Variants in CTIF observed in about 807,000 individuals in gnomAD.
CTIF encodes the protein cap binding complex dependent translation initiation factor, also known as CBP80/20-dependent translation initiation factor.
In CTIF, 21 loss-of-function variants were observed where a neutral mutation model predicts 66.0. The ratio of observed to expected loss-of-function variants is 0.32; its 90% confidence interval spans 0.23 to 0.46. The LOEUF is 0.46. Among genes scored for constraint, CTIF ranks in the 20% least tolerant of loss-of-function variants. The pLI is 1.00. For synonymous variants in CTIF, 345 were observed against 326.4 expected, an observed-to-expected ratio of 1.06 and a Z score of -0.62; for missense variants, 739 against 812.7, an observed-to-expected ratio of 0.91 and a Z score of 1.10.
chr18:48,621,739 G>C (rs905764940), intron 2 of CTIF: 1 of 260,250 alleles, frequency 3.8e-6, no homozygotes, highest in South Asian at 3.4e-5. Context: ...CCAGCTCAAG[G>C]AACAGAAGGA....
rs79921109 is a variant in CTIF, at chr18:48,680,299, G to T, written c.507+9555G>T. On this transcript the variant is annotated intron_variant, in intron 6 of 11. Transcript: ENST00000256413. The stretch of plus-strand genomic sequence containing the variant: ...CAGAATCCCTTGATGAGTATCAGAG[G>T]GCTTAATCCTTCAGGGAGTAGGGCC... 3.0e-3 allele frequency among the ~76,000 whole-genome samples: 459 copies of T among 152,330 alleles called. 7 individuals carry two copies. The highest frequency in any genetic ancestry group is 0.011 in the African/African-American group (441 of 41,556).
At chr18:48,592,525 AG>A (rs1256737263) in intron 1 of CTIF, among the ~76,000 whole-genome samples, 1 of 151,728 alleles carries the variant, frequency 6.6e-6, no homozygotes, top group Non-Finnish European at 1.5e-5. Flanking sequence ...AAAAAGAAAA[AG>A]AAAACAGCTC....
At chr18:48,642,618 G>A (rs2090955992) in intron 3 of CTIF, among the ~76,000 whole-genome samples, 1 of 152,174 alleles carries the variant, frequency 6.6e-6, no homozygotes, top group African/African-American at 2.4e-5. Context: ...AGCCCCTGTT[G>A]TGTGCCTTGA....
chr18:48,779,494 C>G (rs1186202069), intron 9 of CTIF, among the ~76,000 whole-genome samples: 3 of 152,166 alleles, frequency 2.0e-5, no homozygotes, highest in Admixed American at 2.0e-4. Flanking sequence ...TGGAGGGGGT[C>G]AGTTATAAGG....
intron 9 of CTIF, among the ~76,000 whole-genome samples, chr18:48,764,272 A>G (rs1419083886): frequency 6.6e-6 from 1 of 152,212 alleles, no homozygotes; most frequent in Non-Finnish European, 1.5e-5. Flanking sequence ...GCCAGGCACC[A>G]GCCTGGGGAC....
intron 7 of CTIF, among the ~76,000 whole-genome samples, chr18:48,744,483 A>G (rs568066756): frequency 6.6e-6 from 1 of 152,344 alleles, no homozygotes; most frequent in Admixed American, 6.5e-5. Flanking sequence ...CAGGAATAGT[A>G]CAAAGAATTC....
At chr18:48,650,671 G>A (rs1198900852) in intron 3 of CTIF, among the ~76,000 whole-genome samples, 1 of 152,132 alleles carries the variant, frequency 6.6e-6, no homozygotes, top group African/African-American at 2.4e-5. Flanking sequence ...ACACAAAATT[G>A]TCAGATTCAC....
At chr18:48,600,812 A>T (rs543592715) in intron 1 of CTIF, among the ~76,000 whole-genome samples, 1 of 152,144 alleles carries the variant, frequency 6.6e-6, no homozygotes, top group South Asian at 2.1e-4. Flanking sequence ...CAGCCAAACC[A>T]GTTCTTCCCT....
intron 1 of CTIF, among the ~76,000 whole-genome samples, chr18:48,545,221 C>G (rs1291412611): frequency 6.6e-6 from 1 of 152,222 alleles, no homozygotes; most frequent in Non-Finnish European, 1.5e-5. Context: ...GAGATGCAGA[C>G]AGCGCTCAGA....
At chr18:48,630,185 A>G (rs1362882288) in intron 2 of CTIF, among the ~76,000 whole-genome samples, 2 of 151,988 alleles carry the variant, frequency 1.3e-5, no homozygotes, top group Non-Finnish European at 2.9e-5. Context: ...TGCCCAGCCC[A>G]GAGTCACTGA....
chr18:48,754,410 G>T (rs184362427), intron 7 of CTIF, among the ~76,000 whole-genome samples: 221 of 152,296 alleles, frequency 1.5e-3, no homozygotes, highest in African/African-American at 5.2e-3. Flanking sequence ...AAAGGTTCTT[G>T]GCCTGCCTGC....
intron 10 of CTIF, among the ~76,000 whole-genome samples, chr18:48,832,189 T>TTTTTTTTTA (rs1289637754): frequency 6.7e-6 from 1 of 150,076 alleles, no homozygotes; most frequent in African/African-American, 2.5e-5. Context: ...TTTTTTTTTT[T>TTTTTTTTTA]AAGACAGGGT....
At chr18:48,832,116 C>T (rs936519465) in intron 10 of CTIF, among the ~76,000 whole-genome samples, 8 of 150,874 alleles carry the variant, frequency 5.3e-5, no homozygotes, top group South Asian at 4.2e-4. Context: ...AGCCAGTGTG[C>T]GTGTGGGGGC....
intron 2 of CTIF, among the ~76,000 whole-genome samples, chr18:48,630,491 T>C (rs1183285595): frequency 6.6e-6 from 1 of 152,140 alleles, no homozygotes; most frequent in African/African-American, 2.4e-5. Context: ...AATGGCTGGG[T>C]GGTTGTCTCA....
chr18:48,802,270 T>C (rs1220041079), intron 9 of CTIF, among the ~76,000 whole-genome samples: 1 of 152,218 alleles, frequency 6.6e-6, no homozygotes, highest in Non-Finnish European at 1.5e-5. Flanking sequence ...ATGTCATGGA[T>C]AAGACCTACC....
At chr18:48,612,599 T>G (rs1598739149) in intron 1 of CTIF, among the ~76,000 whole-genome samples, 1 of 151,920 alleles carries the variant, frequency 6.6e-6, no homozygotes, top group Admixed American at 6.6e-5. Context: ...CACAGGAAGG[T>G]GGGGTGAAGA....
rs9956934 is a variant in CTIF at position 48,692,330 on chromosome 18, C to A, written c.508-19289C>A. 1.4e-3 allele frequency among the ~76,000 whole-genome samples: 200 copies of A among 138,734 alleles called. 1 individual carries two copies. Among genetic ancestry groups the A allele is most frequent in the African/African-American group, 5.3e-3 (189 of 35,514 alleles). The allele number at this position is 138,734 out of a possible 152,430, so 91.0% of individuals were successfully genotyped here. On this transcript the variant is annotated intron_variant, in intron 6 of 11. Coordinates refer to ENST00000256413, the MANE Select transcript of CTIF (RefSeq NM_014772.3). Reference sequence around the variant, plus strand: ...ACAAAAACAAAAACAAAACAAAAAACAAAAAACAAAAAAAAAAAACCACCC... The same window carrying A: ...ACAAAAACAAAAACAAAACAAAAAAAAAAAAACAAAAAAAAAAAACCACCC...
intron 7 of CTIF, among the ~76,000 whole-genome samples, chr18:48,753,669 T>G (rs1371127233): frequency 6.6e-6 from 1 of 152,152 alleles, no homozygotes; most frequent in Non-Finnish European, 1.5e-5. Flanking sequence ...ATTAATCTTA[T>G]CTCCTGTGCT....
At chr18:48,745,811 C>T (rs1164089459) in intron 7 of CTIF, among the ~76,000 whole-genome samples, 1 of 152,206 alleles carries the variant, frequency 6.6e-6, no homozygotes, top group Non-Finnish European at 1.5e-5. Flanking sequence ...GATGGCTGGG[C>T]TGGGGGTTCC....
Sources: allele counts gnomAD v4.1 joint callset (sites outside exome capture counted in the v4.1 genomes callset), GRCh38; gene constraint gnomAD v4.1.1; transcripts MANE v1.5; gene names NCBI Gene and HGNC (gene_info 2026-07-23, HGNC 2026-07-21).